The following IMMP2L variants were observed in gnomAD, a reference collection of about 807,000 sequenced individuals.
IMMP2L encodes the protein inner mitochondrial membrane peptidase subunit 2.
In IMMP2L, 18 loss-of-function variants were observed where a neutral mutation model predicts 19.3. The ratio of observed to expected loss-of-function variants is 0.93; its 90% CI spans 0.64 to 1.38. The LOEUF is 1.38. Ranked by LOEUF, IMMP2L falls within the 40% of genes most tolerant of loss-of-function variation. The pLI, the probability that IMMP2L is intolerant of heterozygous loss-of-function variation, is 0.00. For synonymous variants in IMMP2L, 76 were observed against 73.0 expected (o/e 1.04, Z -0.21); for missense variants, 233 against 218.2 (o/e 1.07, Z -0.43).
chr7:110,766,716 A>G (rs532526493), intron 5 of IMMP2L, among the ~76,000 whole-genome samples: 2 of 150,810 alleles, frequency 1.3e-5, no homozygotes, highest in East Asian at 3.9e-4. Context: ...GGTTTCCTTT[A>G]TGAAAACTGA....
intron 5 of IMMP2L, among the ~76,000 whole-genome samples, chr7:110,774,803 T>C (rs901947919): frequency 6.6e-6 from 1 of 152,092 alleles, no homozygotes; most frequent in Non-Finnish European, 1.5e-5. Context: ...ATATAATGTT[T>C]GCACAATGAC....
In IMMP2L at chr7:110,785,789, A is replaced by C. The variant is rs189138116; in HGVS notation, c.408+100804T>G. Among the ~76,000 whole-genome samples, 5 of 152,106 alleles carry C rather than the reference A, an allele frequency of 3.3e-5. No individual in the cohort carries two copies. The East Asian group carries it at 9.7e-4, about 30-fold the overall frequency. On this transcript the variant is annotated intron_variant, in intron 5 of 5. Coordinates refer to ENST00000405709, the MANE Select transcript of IMMP2L (RefSeq NM_032549.4). ...ATAATTATTACAAGTAAAAACCTTT[A>C]ATAATGGAAAATATGGTAATAAAAT...
chr7:111,325,878 G>C (rs980053581), intron 3 of IMMP2L, among the ~76,000 whole-genome samples: 1 of 151,574 alleles, frequency 6.6e-6, no homozygotes, highest in Non-Finnish European at 1.5e-5. Context: ...CTTTATTAGA[G>C]AGGTTGAACC....
intron 3 of IMMP2L, among the ~76,000 whole-genome samples, chr7:110,981,363 T>C (rs1821278186): frequency 6.6e-6 from 1 of 152,134 alleles, no homozygotes; most frequent in Admixed American, 6.5e-5. Flanking sequence ...AGGTTTATAC[T>C]GGGCAAATAA....
Position 111,298,272 on chromosome 7 carries a change from C to T in IMMP2L, c.239+188966G>A, listed in dbSNP as rs575280157. On this transcript the variant is annotated intron_variant, in intron 3 of 5. Transcript: ENST00000405709. ...AGAACCAGACAGCCTCAGCTGAAAT[C>T]CTGGCTCCACACTTATGAGTTACAT... 1.8e-4 allele frequency among the ~76,000 whole-genome samples: 28 copies of T among 152,208 alleles called. No individual in the cohort carries two copies. In the South Asian group the frequency reaches 5.8e-3, roughly 32 times the overall value.
intron 3 of IMMP2L, among the ~76,000 whole-genome samples, chr7:111,046,492 A>G (rs569862316): frequency 2.6e-5 from 4 of 152,244 alleles, no homozygotes; most frequent in African/African-American, 9.6e-5. Flanking sequence ...CTGAAAGTCA[A>G]GAAGGAAAAC....
intron 5 of IMMP2L, among the ~76,000 whole-genome samples, chr7:110,806,588 C>T (rs1184623684): frequency 6.6e-6 from 1 of 151,840 alleles, no homozygotes; most frequent in South Asian, 2.1e-4. Flanking sequence ...GAAAAATTCC[C>T]ACAAAACCCA....
chr7:111,157,840 CT>C (rs1804815962), intron 3 of IMMP2L, among the ~76,000 whole-genome samples: 1 of 151,346 alleles, frequency 6.6e-6, no homozygotes, highest in Non-Finnish European at 1.5e-5. Context: ...CATGTGCCCC[CT>C]AAATATATAT....
intron 3 of IMMP2L, among the ~76,000 whole-genome samples, chr7:111,193,880 T>A (rs1370746903): frequency 6.6e-6 from 1 of 152,168 alleles, no homozygotes; most frequent in Non-Finnish European, 1.5e-5. Flanking sequence ...TTCCCATTAT[T>A]TAATCTGTGT....
At chr7:110,753,247 A>C (rs1797838248) in intron 5 of IMMP2L, among the ~76,000 whole-genome samples, 1 of 152,186 alleles carries the variant, frequency 6.6e-6, no homozygotes, top group Non-Finnish European at 1.5e-5. Flanking sequence ...ATGTGCTTTC[A>C]AACTACCTAC....
At chr7:111,217,868 G>A (rs1440116548) in intron 3 of IMMP2L, among the ~76,000 whole-genome samples, 4 of 152,060 alleles carry the variant, frequency 2.6e-5, no homozygotes, top group African/African-American at 9.6e-5. Flanking sequence ...TAAAAATTAA[G>A]TTTAGTATTT....
intron 3 of IMMP2L, among the ~76,000 whole-genome samples, chr7:111,046,743 A>C (rs996597): frequency 0.93 from 140,829 of 152,194 alleles, 65,522 homozygotes; most frequent in East Asian, 0.99. Flanking sequence ...ATACCAAAGA[A>C]AGGGAACAAG....
chr7:111,479,876 T>G (rs1228294794), intron 3 of IMMP2L, among the ~76,000 whole-genome samples: 1 of 152,132 alleles, frequency 6.6e-6, no homozygotes, highest in African/African-American at 2.4e-5. Context: ...TAAAACAGGA[T>G]GAGCAGAAGC....
At chr7:110,879,159 G>A (rs545263777) in intron 5 of IMMP2L, among the ~76,000 whole-genome samples, 1 of 152,092 alleles carries the variant, frequency 6.6e-6, no homozygotes, top group South Asian at 2.1e-4. Flanking sequence ...GAGAGGCTGA[G>A]GTGGATGGAT....
At chr7:110,898,986 A>T (rs1289553269) in intron 4 of IMMP2L, among the ~76,000 whole-genome samples, 1 of 151,926 alleles carries the variant, frequency 6.6e-6, no homozygotes, top group African/African-American at 2.4e-5. Context: ...TCTTTAATCA[A>T]GACATATGAA....
At chr7:111,109,239 TA>T (rs2129582509) in intron 3 of IMMP2L, among the ~76,000 whole-genome samples, 1 of 152,254 alleles carries the variant, frequency 6.6e-6, no homozygotes, top group African/African-American at 2.4e-5. Context: ...GATAAACCAT[TA>T]ACTTTCCTTC....
chr7:110,988,194 C>T, intron 3 of IMMP2L, among the ~76,000 whole-genome samples: 1 of 152,142 alleles, frequency 6.6e-6, no homozygotes, highest in East Asian at 1.9e-4. Context: ...TCACTTATAG[C>T]TCAAATAACA....
intron 3 of IMMP2L, among the ~76,000 whole-genome samples, chr7:111,479,004 T>C (rs1841958997): frequency 6.6e-6 from 1 of 152,208 alleles, no homozygotes; most frequent in African/African-American, 2.4e-5. Context: ...TTTTTGTAAG[T>C]AGTGGCCTAT....
At chr7:111,004,586 CTGA>C (rs10555379) in intron 3 of IMMP2L, among the ~76,000 whole-genome samples, 105,500 of 151,604 alleles carry the variant, frequency 0.7, 37,321 homozygotes, top group African/African-American at 0.78. Flanking sequence ...AATAGATCTT[CTGA>C]TGAGAAACTC....
Sources: allele counts gnomAD v4.1 joint callset (sites outside exome capture counted in the v4.1 genomes callset), GRCh38; gene constraint gnomAD v4.1.1; transcripts MANE v1.5; gene names NCBI Gene and HGNC (gene_info 2026-07-23, HGNC 2026-07-21).